The following AGBL1 variants were observed in gnomAD, a reference collection of about 807,000 sequenced individuals.
The protein encoded by AGBL1 is cytosolic carboxypeptidase 4.
A neutral mutation model predicts 118.9 loss-of-function variants in AGBL1; 130 were observed. The ratio of observed to expected loss-of-function variants is 1.09; its 90% CI spans 0.95 to 1.26. The LOEUF is 1.26. Ranked by LOEUF, AGBL1 falls within the 50% of genes most tolerant of loss-of-function variation. The pLI, the probability that AGBL1 is intolerant of heterozygous loss-of-function variation, is 0.00. For synonymous variants in AGBL1, 555 were observed against 478.9 expected (o/e 1.16, Z -2.08); for missense variants, 1,584 against 1,298.1 (o/e 1.22, Z -3.38).
intron 24 of AGBL1, among the ~76,000 whole-genome samples, chr15:87,015,037 A>G (rs1276973408): frequency 1.3e-5 from 2 of 152,236 alleles, no homozygotes; most frequent in Admixed American, 6.5e-5. Context: ...TGGGGCCCTG[A>G]TGGAACAAAC....
intron 21 of AGBL1, among the ~76,000 whole-genome samples, chr15:86,607,766 T>C (rs1372099065): frequency 6.6e-6 from 1 of 152,188 alleles, no homozygotes; most frequent in Non-Finnish European, 1.5e-5. Context: ...GGTTATTTTC[T>C]TATTGTTGAG....
chr15:86,343,692 T>C (rs2080495348), intron 17 of AGBL1, among the ~76,000 whole-genome samples: 1 of 152,182 alleles, frequency 6.6e-6, no homozygotes, highest in South Asian at 2.1e-4. Flanking sequence ...TGGGAAATTT[T>C]TCTTCTTAAA....
chr15:86,519,704 A>G (rs1224073403), intron 18 of AGBL1, among the ~76,000 whole-genome samples: 1 of 152,178 alleles, frequency 6.6e-6, no homozygotes, highest in African/African-American at 2.4e-5. Context: ...GACAAATACA[A>G]TCACATGGGC....
At chr15:86,949,540 TAAATA>T (rs1261269067) in intron 23 of AGBL1, among the ~76,000 whole-genome samples, 1 of 152,058 alleles carries the variant, frequency 6.6e-6, no homozygotes, top group African/African-American at 2.4e-5. Context: ...AAAGTTGACT[TAAATA>T]TATTAATAAT....
intron 15 of AGBL1, among the ~76,000 whole-genome samples, chr15:86,273,276 A>C (rs993812285): frequency 6.6e-6 from 1 of 152,224 alleles, no homozygotes; most frequent in African/African-American, 2.4e-5. Context: ...CAATGCTGAT[A>C]GCTTTTAGAG....
chr15:86,673,426 T>A (rs747625779), intron 21 of AGBL1, among the ~76,000 whole-genome samples: 22 of 152,202 alleles, frequency 1.4e-4, no homozygotes, highest in Admixed American at 2.6e-4. Flanking sequence ...ATGGAGTCTC[T>A]TCTAGTCGCT....
At chr15:86,556,265 C>G in intron 21 of AGBL1, 1 of 1,613,330 alleles carries the variant, frequency 6.2e-7, no homozygotes, top group Admixed American at 1.7e-5. Context: ...TGAAAGGGCT[C>G]ACCCAGTGGA....
chr15:86,497,207 C>T (rs543663147), intron 18 of AGBL1, among the ~76,000 whole-genome samples: 3 of 152,010 alleles, frequency 2.0e-5, no homozygotes, highest in Admixed American at 6.6e-5. Flanking sequence ...TTTTGCATCT[C>T]GCTTCCCTTC....
chr15:86,123,490 T>C (rs914637778), intron 1 of AGBL1, among the ~76,000 whole-genome samples: 1 of 152,212 alleles, frequency 6.6e-6, no homozygotes, highest in Non-Finnish European at 1.5e-5. Context: ...TCCGCCTGCC[T>C]CGGCCTCTCA....
At chr15:86,735,924 C>G (rs142488900) in intron 22 of AGBL1, among the ~76,000 whole-genome samples, 122 of 152,126 alleles carry the variant, frequency 8.0e-4, no homozygotes, top group African/African-American at 2.8e-3. Flanking sequence ...TCACTTTGCT[C>G]TTGATTCTCA....
chr15:86,378,295 T>G (rs2081066795), intron 17 of AGBL1, among the ~76,000 whole-genome samples: 1 of 152,228 alleles, frequency 6.6e-6, no homozygotes, highest in Non-Finnish European at 1.5e-5. Context: ...CCTATTAAAC[T>G]GTCACATAAA....
chr15:86,734,063 G>A (rs112754656), intron 22 of AGBL1, among the ~76,000 whole-genome samples: 5,006 of 152,172 alleles, frequency 0.033, 117 homozygotes, highest in Middle Eastern at 0.12. Context: ...TATTGAAACC[G>A]TTCTTTGTAC....
At chr15:86,861,685 G>C (rs1486358771) in intron 22 of AGBL1, among the ~76,000 whole-genome samples, 2 of 152,164 alleles carry the variant, frequency 1.3e-5, no homozygotes, top group Non-Finnish European at 2.9e-5. Context: ...GGCATATAGT[G>C]AGGACACCAA....
chr15:86,717,133 G>A (rs765987202), intron 22 of AGBL1, among the ~76,000 whole-genome samples: 1 of 152,160 alleles, frequency 6.6e-6, no homozygotes, highest in Non-Finnish European at 1.5e-5. Flanking sequence ...TGGTTAAGAG[G>A]CAAAGATGAA....
chr15:86,750,106 G>A (rs982233857), intron 22 of AGBL1, among the ~76,000 whole-genome samples: 2 of 151,634 alleles, frequency 1.3e-5, no homozygotes, highest in Admixed American at 6.6e-5. Context: ...TCCTTGTACT[G>A]CTAGAGGCAA....
At chr15:86,964,029 C>CTG (rs1247496067) in intron 23 of AGBL1, among the ~76,000 whole-genome samples, 9 of 136,270 alleles carry the variant, frequency 6.6e-5, no homozygotes, top group South Asian at 2.3e-4. Context: ...CTCTCTCTCT[C>CTG]TCTGTGTGTG....
intron 1 of AGBL1, among the ~76,000 whole-genome samples, chr15:86,111,246 A>G (rs1447983030): frequency 1.3e-5 from 2 of 152,156 alleles, no homozygotes; most frequent in Admixed American, 6.5e-5. Flanking sequence ...CCTTTGATGG[A>G]TGGACTGGGA....
rs139189895 is a variant in AGBL1 at position 86,264,647 on chromosome 15, C to T, written c.1476C>T (p.Val492=). The T allele has an allele frequency of 2.3e-4, 375 of 1,613,898 alleles. 4 individuals are homozygous for T. The East Asian group carries it at 6.4e-3, about 28-fold the overall frequency. Reference sequence around the variant, plus strand: ...ATTCCACTAGGACTAGAGAAGTTGTCAAAGTAATAGATAAGCTTCTGCAGA... The same window carrying T: ...ATTCCACTAGGACTAGAGAAGTTGTTAAAGTAATAGATAAGCTTCTGCAGA... The part of the protein sequence containing the change: ...FSNSTRTREV[V]KVIDKLLQTH... Residue 492 remains valine, a synonymous_variant, in exon 11 of 23, where the codon GTC becomes GTT. Coordinates refer to ENST00000614907, the MANE Select transcript of AGBL1 (RefSeq NM_001386094.1).
At chr15:86,584,349 A>T (rs1054238608) in intron 21 of AGBL1, among the ~76,000 whole-genome samples, 13 of 152,004 alleles carry the variant, frequency 8.6e-5, no homozygotes, top group African/African-American at 3.1e-4. Context: ...ATCCGTCTTG[A>T]GTTAATTTTT....
Sources: gnomAD v4.1 joint callset for allele counts (sites outside exome capture counted in the v4.1 genomes callset) on GRCh38, gnomAD v4.1.1 for gene constraint, MANE v1.5 for transcripts, NCBI Gene and HGNC (gene_info 2026-07-23, HGNC 2026-07-21) for gene names.